Variants in KRABD3 observed in about 807,000 individuals in gnomAD.
KRABD3 encodes the protein KRAB domain containing 3.
At chr7:149,723,983 A>C in the KRABD3 span, 1 of 1,364,112 alleles carries the variant, frequency 7.3e-7, no homozygotes, top group Non-Finnish European at 1.0e-6. Context: ...ACAAACACTC[A>C]GGCCCCCATA....
chr7:149,715,204 C>T, the KRABD3 span: 1 of 1,219,486 alleles, frequency 8.2e-7, no homozygotes, highest in Non-Finnish European at 1.0e-6. Context: ...GGGTTCGTGC[C>T]GGGAAGTTCA....
the KRABD3 span, chr7:149,728,716 C>G: frequency 6.2e-7 from 1 of 1,600,876 alleles, no homozygotes. Flanking sequence ...GACAGGGCTG[C>G]TCTGAGGATG....
chr7:149,725,129 G>C, the KRABD3 span, among the ~76,000 whole-genome samples: 54 of 152,190 alleles, frequency 3.5e-4, no homozygotes, highest in African/African-American at 1.3e-3. Context: ...TGCCTTCCAG[G>C]GAGCAGGGTG....
At chr7:149,732,673 G>A in the KRABD3 span, among the ~76,000 whole-genome samples, 5 of 152,190 alleles carry the variant, frequency 3.3e-5, no homozygotes, top group Non-Finnish European at 7.3e-5. This position sits in a 1 kb window ranked among gnomAD's most constrained non-coding sequence, Gnocchi z 4.0. Flanking sequence ...AATAGGGAGA[G>A]TAAAAGCAGA....
the KRABD3 span, among the ~76,000 whole-genome samples, chr7:149,715,916 A>G: frequency 6.6e-6 from 1 of 152,186 alleles, no homozygotes; most frequent in Admixed American, 6.5e-5. Flanking sequence ...GCCCCATCCT[A>G]AGGCCTCCTC....
the KRABD3 span, chr7:149,715,419 GA>G: frequency 1.0e-6 from 1 of 986,868 alleles, no homozygotes; most frequent in South Asian, 4.9e-5. Flanking sequence ...TGGAAATGGG[GA>G]GAAACAAAGA....
chr7:149,726,147 A>T, the KRABD3 span: 1 of 1,229,334 alleles, frequency 8.1e-7, no homozygotes, highest in Non-Finnish European at 1.1e-6. Context: ...ACTGGGTCAG[A>T]CCCCCATGCC....
At chr7:149,720,181 C>A in the KRABD3 span, 1 of 1,543,294 alleles carries the variant, frequency 6.5e-7, no homozygotes. Flanking sequence ...GTCCTCAGCC[C>A]CAGGCAATGC....
the KRABD3 span, chr7:149,728,799 G>C: frequency 5.3e-6 from 6 of 1,124,010 alleles, no homozygotes; most frequent in Non-Finnish European, 7.4e-6. Flanking sequence ...GACCTGGGCA[G>C]AGCCTTGTTG....
chr7:149,732,627 A>G, the KRABD3 span, among the ~76,000 whole-genome samples: 8 of 115,340 alleles, frequency 6.9e-5, no homozygotes, highest in African/African-American at 1.7e-4. This position sits in a 1 kb window ranked among gnomAD's most constrained non-coding sequence, Gnocchi z 4.0. Context: ...TAAAAAAAAC[A>G]AAAAGCTTAT....
chr7:149,722,577 G>T, the KRABD3 span: 3 of 1,593,678 alleles, frequency 1.9e-6, no homozygotes, highest in Middle Eastern at 2.1e-4. Context: ...TTTCCTTAGT[G>T]GGGTAGCGAT....
At chr7:149,725,618 C>G in the KRABD3 span, 4 of 1,031,488 alleles carry the variant, frequency 3.9e-6, no homozygotes, top group Non-Finnish European at 5.5e-6. Context: ...GGCTGCCTTT[C>G]ATACTCACTC....
chr7:149,727,977 T>C, the KRABD3 span, among the ~76,000 whole-genome samples: 1 of 152,250 alleles, frequency 6.6e-6, no homozygotes, highest in African/African-American at 2.4e-5. Flanking sequence ...CACTGTCTGC[T>C]TTATTAGGAA....
the KRABD3 span, among the ~76,000 whole-genome samples, chr7:149,731,244 A>G: frequency 6.6e-6 from 1 of 152,214 alleles, no homozygotes; most frequent in African/African-American, 2.4e-5. Context: ...CAACTCCTGC[A>G]GCTGGCTCCA....
the KRABD3 span, chr7:149,733,877 T>G: frequency 1.3e-6 from 2 of 1,591,676 alleles, no homozygotes; most frequent in Non-Finnish European, 1.7e-6. Flanking sequence ...GCAGGGAGCC[T>G]CTCCTCCTGC....
the KRABD3 span, chr7:149,725,974 C>T: frequency 1.2e-6 from 2 of 1,609,574 alleles, no homozygotes; most frequent in Non-Finnish European, 1.7e-6. Context: ...CGAGGAACCC[C>T]CACCAGCTTC....
chr7:149,732,929 G>A, the KRABD3 span, among the ~76,000 whole-genome samples: 1 of 152,284 alleles, frequency 6.6e-6, no homozygotes, highest in East Asian at 1.9e-4. This position sits in a 1 kb window ranked among gnomAD's most constrained non-coding sequence, Gnocchi z 4.0. Flanking sequence ...ATTCCTAGAA[G>A]GTGGGAAGAC....
the KRABD3 span, chr7:149,715,090 C>T: frequency 3.3e-6 from 4 of 1,230,756 alleles, no homozygotes; most frequent in Non-Finnish European, 4.1e-6. Context: ...ACGCGCGGAC[C>T]CCTCGGCGCA....
At chr7:149,727,553 C>T in the KRABD3 span, among the ~76,000 whole-genome samples, 1 of 152,246 alleles carries the variant, frequency 6.6e-6, no homozygotes, top group African/African-American at 2.4e-5. Context: ...CATGCCCCCT[C>T]CAGGCTGCCT....
Sources: allele counts gnomAD v4.1 joint callset (sites outside exome capture counted in the v4.1 genomes callset), GRCh38; gene constraint gnomAD v4.1.1; non-coding constraint Gnocchi (gnomAD v3.1); transcripts MANE v1.5; gene names NCBI Gene and HGNC (gene_info 2026-07-23, HGNC 2026-07-21).